The following TAAR8 variants were observed in gnomAD, a reference collection of about 807,000 sequenced individuals.
The protein encoded by TAAR8 is trace amine associated receptor 8, also known as trace amine-associated receptor 8.
For missense variants in TAAR8, 459 were observed against 405.8 expected, an observed-to-expected ratio of 1.13 and a Z score of -1.13; for synonymous variants, 157 against 152.7, an observed-to-expected ratio of 1.03 and a Z score of -0.21.
At position 132,553,387 on chromosome 6, in the gene TAAR8, C is replaced by G. The variant is rs138465278; in HGVS notation, c.695C>G (p.Thr232Ser). 47 of 1,614,082 alleles carry G rather than the reference C, an allele frequency of 2.9e-5. No individual in the cohort carries two copies. The African/African-American group carries it at 4.9e-4, about 17-fold the overall frequency. The stretch of plus-strand genomic sequence containing the variant: ...AAACAACAAGCTATAAAAATTGAAA[C>G]TACTAGTAGCAAAGTAGAATCATCC... The change falls in exon 1 of 1, where the codon ACT becomes AGT. Residue 232 changes from threonine (T) to serine (S), a missense_variant. Physicochemically the swap from Thr to Ser is moderately conservative, Grantham distance 58. Transcript: ENST00000275200.
chr6:132,553,728 G>A, downstream of TAAR8: 3 of 1,435,606 alleles, frequency 2.1e-6, no homozygotes, highest in South Asian at 1.7e-5. Context: ...ATAAGTTTAA[G>A]CACTAAGTTG....
chr6:132,553,101 C>T (rs746760369), exon 1 of TAAR8: 2 of 1,614,086 alleles, frequency 1.2e-6, no homozygotes, highest in African/African-American at 1.3e-5. Flanking sequence ...TACTGATCCC[C>T]TGGTCTATGC....
exon 1 of TAAR8, chr6:132,553,599 T>A (rs1776412974): frequency 6.2e-7 from 1 of 1,613,988 alleles, no homozygotes; most frequent in Non-Finnish European, 8.5e-7. Flanking sequence ...TTATTATAAC[T>A]CAGCCATGAA....
Position 132,553,374 on chromosome 6 carries a change from A to G in TAAR8, c.682A>G (p.Ile228Val), listed in dbSNP as rs746651368. 9.3e-6 allele frequency: 15 copies of G among 1,614,044 alleles called. No homozygotes were observed. In the Admixed American group the frequency reaches 2.5e-4, roughly 27 times the overall value. The change falls in exon 1 of 1, where the codon ATA (isoleucine) becomes GTA (valine). Residue 228 changes from isoleucine to valine, a missense_variant. Coordinates refer to ENST00000275200, the Ensembl canonical transcript of TAAR8. Reference sequence around the variant, plus strand: ...TTTTCTTATAGCTAAACAACAAGCTATAAAAATTGAAACTACTAGTAGCAA... The same window carrying G: ...TTTTCTTATAGCTAAACAACAAGCTGTAAAAATTGAAACTACTAGTAGCAA...
chr6:132,552,935 T>A (rs1776401719), exon 1 of TAAR8: 2 of 1,614,236 alleles, frequency 1.2e-6, no homozygotes, highest in Non-Finnish European at 1.7e-6. Context: ...TCTTGGTAGG[T>A]GTGACTGTGA....
At chr6:132,553,423 A>C in exon 1 of TAAR8, 1 of 1,614,220 alleles carries the variant, frequency 6.2e-7, no homozygotes. Context: ...TCAGAGAGTT[A>C]TAAAATCAGA....
rs147701770 is a variant in TAAR8, at chr6:132,553,235, T to A, written c.543T>A (p.Ser181Arg). The A allele has an allele frequency of 5.3e-4, 849 of 1,614,198 alleles. 13 individuals are homozygous for A. The East Asian group carries it at 0.016, about 31-fold the overall frequency. The change falls in exon 1 of 1, where the codon AGT becomes AGA. Residue 181 changes from serine to arginine, a missense_variant. Coordinates refer to ENST00000275200, the Ensembl canonical transcript of TAAR8. ...ATGATGGGCTGGAGGAATTAGTAAG[T>A]GCTCTCAACTGCGTAGGTGGCTGTC...
chr6:132,552,772 C>T (rs939879878), exon 1 of TAAR8: 3 of 1,614,086 alleles, frequency 1.9e-6, no homozygotes, highest in Non-Finnish European at 2.5e-6. Context: ...ACTCCCTATT[C>T]TCCTGGGTCC....
At chr6:132,553,010 T>C in exon 1 of TAAR8, 1 of 1,614,124 alleles carries the variant, frequency 6.2e-7, no homozygotes, top group Non-Finnish European at 8.5e-7. Flanking sequence ...TTTGTACTCT[T>C]CACAGTTGCT....
chr6:132,552,957 A>G, exon 1 of TAAR8: 2 of 1,614,142 alleles, frequency 1.2e-6, no homozygotes, highest in Middle Eastern at 1.6e-4. Context: ...GCTTTTCAGC[A>G]TGGTCAGGAC....
At position 132,553,278 on chromosome 6, in the gene TAAR8, G is replaced by A. The variant is rs977789253; in HGVS notation, c.586G>A (p.Gly196Ser). The change falls in exon 1 of 1, where the codon GGC becomes AGC. Residue 196 changes from glycine (G) to serine (S), a missense_variant. By Grantham distance (56) the Gly-to-Ser change is moderately conservative (BLOSUM62 0). Coordinates refer to ENST00000275200, the Ensembl canonical transcript of TAAR8. ...TGGCTGTCAAATTATTGTAAGTCAAGGCTGGGTGTTGATAGATTTTCTGTT... is the reference window on the plus strand; with the variant it reads ...TGGCTGTCAAATTATTGTAAGTCAAAGCTGGGTGTTGATAGATTTTCTGTT... 4 of 1,614,138 alleles carry A rather than the reference G, an allele frequency of 2.5e-6. No homozygotes were observed. In the African/African-American group the frequency reaches 4.0e-5, roughly 16 times the overall value.
chr6:132,553,450 G>A, exon 1 of TAAR8: 1 of 1,613,984 alleles, frequency 6.2e-7, no homozygotes, highest in Non-Finnish European at 8.5e-7. Context: ...AAGAGAGAGA[G>A]GAAAGCAGCT....
chr6:132,553,551 A>G, exon 1 of TAAR8: 2 of 1,613,920 alleles, frequency 1.2e-6, no homozygotes, highest in Non-Finnish European at 1.7e-6. Context: ...GGGCTTCCTG[A>G]CCCCTGCCTA....
chr6:132,553,051 T>C, exon 1 of TAAR8: 1 of 1,614,242 alleles, frequency 6.2e-7, no homozygotes. Flanking sequence ...TCTTCTGTCC[T>C]CCACTTGTGC....
At chr6:132,552,840 C>A in exon 1 of TAAR8, 1 of 1,614,188 alleles carries the variant, frequency 6.2e-7, no homozygotes, top group Non-Finnish European at 8.5e-7. Context: ...ATTTGGAAAT[C>A]TCTTAGTAAT....
exon 1 of TAAR8, chr6:132,553,258 G>A: frequency 1.9e-6 from 3 of 1,614,188 alleles, no homozygotes; most frequent in South Asian, 1.1e-5. Context: ...GTAGGTGGCT[G>A]TCAAATTATT....
At chr6:132,553,742 A>G, downstream of TAAR8, 1 of 1,382,382 alleles carries the variant, frequency 7.2e-7, no homozygotes, top group Non-Finnish European at 9.5e-7. Context: ...TAAGTTGAGA[A>G]AATTAAGAAT....
exon 1 of TAAR8, chr6:132,552,790 T>G (rs753543784): frequency 3.7e-6 from 6 of 1,614,212 alleles, no homozygotes; most frequent in Admixed American, 1.7e-5. Context: ...TCCCGGGTAA[T>G]TCTGTACACG....
exon 1 of TAAR8, chr6:132,553,521 A>G (rs956311206): frequency 8.7e-6 from 14 of 1,613,932 alleles, no homozygotes; most frequent in Non-Finnish European, 1.2e-5. Context: ...TACAGTTGAT[A>G]TATTAATTGA....
Sources: allele counts gnomAD v4.1 joint callset, GRCh38; gene constraint gnomAD v4.1.1; transcripts MANE v1.5; gene names NCBI Gene and HGNC (gene_info 2026-07-23, HGNC 2026-07-21).